Variants in CNTNAP2 observed in about 807,000 individuals in gnomAD.
The protein encoded by CNTNAP2 is contactin associated protein 2.
CNTNAP2 carries 98 observed loss-of-function variants against 155.2 expected under a neutral mutation model. That is an observed-to-expected ratio of 0.63 (90% CI 0.54 to 0.75). The LOEUF is 0.75. CNTNAP2 is among the 30% of genes least tolerant of loss of function. The pLI is 0.00. For missense variants in CNTNAP2, 1,727 were observed against 1,688.1 expected (o/e 1.02, Z -0.40); for synonymous variants, 651 against 631.2 (o/e 1.03, Z -0.47).
intron 13 of CNTNAP2, among the ~76,000 whole-genome samples, chr7:147,680,620 A>G (rs1795934263): frequency 6.6e-6 from 1 of 151,824 alleles, no homozygotes; most frequent in Non-Finnish European, 1.5e-5. Context: ...AAAGTATTTC[A>G]ATACCTGAAC....
At chr7:146,647,358 A>C (rs1799832118) in intron 1 of CNTNAP2, among the ~76,000 whole-genome samples, 1 of 109,598 alleles carries the variant, frequency 9.1e-6, no homozygotes, top group African/African-American at 2.9e-5. Context: ...ATCTTATATT[A>C]GTCCATGATG....
chr7:148,047,876 T>C (rs1210168311), intron 15 of CNTNAP2, among the ~76,000 whole-genome samples: 1 of 152,150 alleles, frequency 6.6e-6, no homozygotes, highest in Non-Finnish European at 1.5e-5. Context: ...AGATTGGTTA[T>C]AGATGGCAAC....
intron 11 of CNTNAP2, among the ~76,000 whole-genome samples, chr7:147,494,286 G>A (rs114794124): frequency 6.4e-4 from 98 of 152,216 alleles, no homozygotes; most frequent in Admixed American, 3.1e-3. Flanking sequence ...AAATAGTACA[G>A]GTCATTTGGA....
At chr7:147,065,754 A>G (rs985989556) in intron 4 of CNTNAP2, among the ~76,000 whole-genome samples, 3 of 152,228 alleles carry the variant, frequency 2.0e-5, no homozygotes, top group Non-Finnish European at 4.4e-5. Context: ...TCTTCTCAGC[A>G]TCTCAAAATG....
At chr7:147,031,966 C>A (rs549295311) in intron 3 of CNTNAP2, among the ~76,000 whole-genome samples, 2 of 152,114 alleles carry the variant, frequency 1.3e-5, no homozygotes, top group African/African-American at 4.8e-5. Context: ...AAAGTGTATA[C>A]ACACGGTGAG....
At chr7:147,377,690 C>T (rs556436967) in intron 9 of CNTNAP2, among the ~76,000 whole-genome samples, 23 of 151,738 alleles carry the variant, frequency 1.5e-4, no homozygotes, top group Non-Finnish European at 3.2e-4. Flanking sequence ...GCTTGGTATA[C>T]AAGTCTATGT....
chr7:146,810,770 G>T (rs1320366784), intron 2 of CNTNAP2, among the ~76,000 whole-genome samples: 1 of 151,878 alleles, frequency 6.6e-6, no homozygotes, highest in Non-Finnish European at 1.5e-5. Context: ...TTAGCTGCAG[G>T]TTTGCCATGT....
chr7:147,159,551 T>G (rs1801987352), intron 8 of CNTNAP2, among the ~76,000 whole-genome samples: 2 of 152,118 alleles, frequency 1.3e-5, no homozygotes, highest in South Asian at 4.1e-4. Flanking sequence ...AAACACAGAT[T>G]AAATGCATCA....
intron 1 of CNTNAP2, among the ~76,000 whole-genome samples, chr7:146,136,192 T>G (rs1191876630): frequency 6.6e-6 from 1 of 152,202 alleles, no homozygotes; most frequent in African/African-American, 2.4e-5. Context: ...GTGTACTCTA[T>G]GCCCTTCTTA....
chr7:146,532,751 C>G (rs801938), intron 1 of CNTNAP2, among the ~76,000 whole-genome samples: 2 of 151,556 alleles, frequency 1.3e-5, no homozygotes, highest in Non-Finnish European at 2.9e-5. Context: ...TCAGACACTC[C>G]ACCACCACTT....
chr7:147,502,735 GTGTGTGTATA>G (rs1329336493), intron 11 of CNTNAP2, among the ~76,000 whole-genome samples: 1 of 140,140 alleles, frequency 7.1e-6, no homozygotes, highest in African/African-American at 2.8e-5. Context: ...GTGTGTGTGT[GTGTGTGTATA>G]TATATATATA....
At chr7:148,028,007 C>T (rs1206302024) in intron 15 of CNTNAP2, among the ~76,000 whole-genome samples, 1 of 152,178 alleles carries the variant, frequency 6.6e-6, no homozygotes, top group Non-Finnish European at 1.5e-5. Context: ...GAGCCACACA[C>T]TATTTTAAAA....
At chr7:147,370,231 G>T (rs1471106140) in intron 9 of CNTNAP2, among the ~76,000 whole-genome samples, 1 of 152,182 alleles carries the variant, frequency 6.6e-6, no homozygotes. Flanking sequence ...ATATATGGAA[G>T]AAATGGACAA....
At chr7:148,395,507 C>T (rs763060948) in intron 22 of CNTNAP2, among the ~76,000 whole-genome samples, 4 of 152,136 alleles carry the variant, frequency 2.6e-5, no homozygotes, top group Non-Finnish European at 5.9e-5. Flanking sequence ...GCGTAAGTTG[C>T]CAAAGCCTTC....
chr7:147,502,834 TA>T (rs758782491), intron 11 of CNTNAP2, among the ~76,000 whole-genome samples: 2 of 151,582 alleles, frequency 1.3e-5, no homozygotes, highest in Non-Finnish European at 2.9e-5. Flanking sequence ...AGACTGAAAT[TA>T]AAAAAAGAAA....
chr7:146,262,323 C>G (rs533920730), intron 1 of CNTNAP2, among the ~76,000 whole-genome samples: 1 of 152,310 alleles, frequency 6.6e-6, no homozygotes, highest in East Asian at 1.9e-4. Context: ...CCTTGCCCCC[C>G]TCAATTGCAC....
chr7:147,737,713 A>C (rs916060206), intron 13 of CNTNAP2, among the ~76,000 whole-genome samples: 3 of 152,146 alleles, frequency 2.0e-5, no homozygotes, highest in Non-Finnish European at 2.9e-5. Context: ...AAGCCTCAGC[A>C]ATGGCGGGCA....
intron 12 of CNTNAP2, among the ~76,000 whole-genome samples, chr7:147,566,163 G>A (rs963259508): frequency 1.0e-4 from 15 of 150,674 alleles, no homozygotes; most frequent in South Asian, 4.2e-4. Context: ...GGGCATGGTG[G>A]TGCAAACCTG....
intron 1 of CNTNAP2, among the ~76,000 whole-genome samples, chr7:146,475,940 G>A (rs1201078946): frequency 6.6e-6 from 1 of 151,986 alleles, no homozygotes; most frequent in East Asian, 1.9e-4. Flanking sequence ...TTTTATGTTG[G>A]GAAATTAAAA....
Sources: allele counts gnomAD v4.1 joint callset (sites outside exome capture counted in the v4.1 genomes callset), GRCh38; gene constraint gnomAD v4.1.1; transcripts MANE v1.5; gene names NCBI Gene and HGNC (gene_info 2026-07-23, HGNC 2026-07-21).